RNF19A: variants seen among roughly 807,000 people sequenced by gnomAD.
The protein encoded by RNF19A is E3 ubiquitin-protein ligase RNF19A.
RNF19A carries 32 observed loss-of-function variants against 75.7 expected under a neutral mutation model. The ratio of observed to expected loss-of-function variants is 0.42; its 90% CI spans 0.32 to 0.57. The LOEUF (loss-of-function observed/expected upper bound fraction) is 0.57. RNF19A is among the 20% of genes least tolerant of loss of function. The probability of loss-of-function intolerance (pLI) is 0.10; values close to 1 mark genes in which losing one functional copy is unlikely to be tolerated. For synonymous variants in RNF19A, 335 were observed against 345.2 expected (o/e 0.97, Z 0.33); for missense variants, 782 against 1,036.3 (o/e 0.75, Z 3.37).
In RNF19A at chr8:100,309,649, C is replaced by T. The variant is rs920128893; in HGVS notation, c.-94+218G>A. 7.6e-6 allele frequency: 7 copies of T among 924,774 alleles called. No homozygotes were observed. The East Asian group carries it at 8.2e-4, about 108-fold the overall frequency. The allele number at this position is 924,774 out of a possible 1,614,324, so 57.3% of individuals were successfully genotyped here. ...CCCGCGCCTGGGCCGGGTAGGGGACCCGGAGCTGACCGAGGCCTGACCCCC... is the reference window on the plus strand; with the variant it reads ...CCCGCGCCTGGGCCGGGTAGGGGACTCGGAGCTGACCGAGGCCTGACCCCC... On this transcript the variant is annotated intron_variant, in intron 1 of 9. Transcript: ENST00000341084.
chr8:100,257,313 CA>C lies in RNF19A; in HGVS notation c.*1242del, dbSNP rs1242812969. 1 of 152,436 alleles carries C rather than the reference CA, an allele frequency of 6.6e-6. No homozygotes were observed. Among genetic ancestry groups the C allele is most frequent in the Non-Finnish European group, 1.5e-5 (1 of 67,990 alleles). The allele number at this position is 152,436 out of a possible 1,614,324, so 9.4% of individuals were successfully genotyped here. A position where few individuals can be genotyped will look rare whatever the true frequency, so the allele number is the denominator to read the frequency against. On this transcript the variant is annotated 3_prime_UTR_variant, in exon 10 of 10. Coordinates refer to ENST00000341084, the MANE Select transcript of RNF19A (RefSeq NM_183419.4). ...ATAATGGTAATACTTAAAAGAAATA[CA>C]TAAGATAGAACATTTTAACTGCTAT...
rs1436559065 is a variant in RNF19A, at chr8:100,275,316, G to A, written c.675-155C>T. On this transcript the variant is annotated intron_variant, in intron 2 of 9. Transcript: ENST00000341084. This position sits in a 1 kb window ranked among gnomAD's most constrained non-coding sequence, Gnocchi z 4.3. ...CAATCTCACCAATATAAAAATGGGGGAAAATGAAGTTTACAAATGAAGATA... is the reference window on the plus strand; with the variant it reads ...CAATCTCACCAATATAAAAATGGGGAAAAATGAAGTTTACAAATGAAGATA... Among the ~76,000 whole-genome samples, 3 of 151,620 alleles carry A rather than the reference G, an allele frequency of 2.0e-5. No individual in the cohort carries two copies. The highest frequency in any genetic ancestry group is 6.6e-5 in the Admixed American group (1 of 15,236).
upstream of RNF19A, chr8:100,313,219 C>T (rs1822326819): frequency 1.8e-6 from 1 of 545,594 alleles, no homozygotes; most frequent in South Asian, 8.0e-5. Flanking sequence ...GCCTACATAT[C>T]CGTTTGCATG....
chr8:100,288,033 C>G lies in RNF19A; in HGVS notation c.142G>C (p.Ala48Pro), dbSNP rs1821109481. 1 of 1,614,172 alleles carries G rather than the reference C, an allele frequency of 6.2e-7. No homozygotes were observed. The highest frequency in any genetic ancestry group is 8.5e-7 in the Non-Finnish European group (1 of 1,180,032). The part of the protein sequence containing the change: ...MGSDRDLQSS[A>P]SSVSLPSVKK... ...ACTGAAGGCAAGCTCACAGATGAAG[C>G]AGAGGACTGAAGATCTCGATCTGAA... The change falls in exon 2 of 10, where the codon GCT becomes CCT. Residue 48 changes from alanine to proline, a missense_variant. Ala to Pro is a conservative substitution (Grantham distance 27). Around this residue, in one of 7 missense-constraint regions of RNF19A, gnomAD observed 148 missense variants for 147.9 expected, o/e 1.00. Coordinates refer to ENST00000341084, the MANE Select transcript of RNF19A (RefSeq NM_183419.4).
chr8:100,270,042 G>T lies in RNF19A; in HGVS notation c.884-29C>A, dbSNP rs1316347641. On this transcript the variant is annotated intron_variant, in intron 3 of 9. Coordinates refer to ENST00000341084, the MANE Select transcript of RNF19A (RefSeq NM_183419.4). ...TTGGGAACACAGAGAAATCTATTAAGTACATAAAACTGGTCTAAAAATAAC... is the reference window on the plus strand; with the variant it reads ...TTGGGAACACAGAGAAATCTATTAATTACATAAAACTGGTCTAAAAATAAC... 4.6e-6 allele frequency: 7 copies of T among 1,517,768 alleles called. No individual in the cohort carries two copies. In the Admixed American group the frequency reaches 1.5e-4, roughly 33 times the overall value. 94.0% of individuals were successfully genotyped at this position (1,517,768 alleles called of 1,614,324 possible).
intron 1 of RNF19A, among the ~76,000 whole-genome samples, chr8:100,328,224 C>T (rs1027453732): frequency 5.9e-5 from 9 of 152,256 alleles, no homozygotes; most frequent in East Asian, 3.9e-4. Context: ...CCTTAATCAT[C>T]GTAATTGGCA....
intron 1 of RNF19A, 101 bp from the exon 2 acceptor site, chr8:100,288,368 T>C: frequency 1.3e-6 from 1 of 762,008 alleles, no homozygotes; most frequent in Non-Finnish European, 1.8e-6. Flanking sequence ...TTCTTAACCA[T>C]TAGTAGTAGT....
Position 100,287,476 on chromosome 8 carries a change from G to A in RNF19A, c.674+25C>T. The A allele has an allele frequency of 6.5e-7, 1 of 1,540,360 alleles. No individual in the cohort carries two copies. The highest frequency in any genetic ancestry group is 8.7e-7 in the Non-Finnish European group (1 of 1,146,398). ...TCCACAGAGAAAAAAATTAACTCAA[G>A]AAAAATCAAACATTATCTTCTTACC... On this transcript the variant is annotated intron_variant, in intron 2 of 9. Coordinates refer to ENST00000341084, the MANE Select transcript of RNF19A (RefSeq NM_183419.4). The surrounding 1 kb of genome is among the most constrained non-coding windows in gnomAD (Gnocchi z 4.1).
Position 100,325,793 on chromosome 8 carries a change from A to G in RNF19A, c.-243+10315T>C, listed in dbSNP as rs1822526294. Among the ~76,000 whole-genome samples, 1 of 152,190 alleles carries G rather than the reference A, an allele frequency of 6.6e-6. No homozygotes were observed. The highest frequency in any genetic ancestry group is 2.4e-5 in the African/African-American group (1 of 41,448). On this transcript the variant is annotated intron_variant, in intron 1 of 3. Coordinates refer to the RNF19A transcript ENST00000519527. This position sits in a 1 kb window ranked among gnomAD's most constrained non-coding sequence, Gnocchi z 4.3. ...CACACACACACACACATTTATATCC[A>G]TAAAATCTAAGCTCATAATTTCAAT...
At chr8:100,319,321 C>A (rs1822430792) in intron 1 of RNF19A, among the ~76,000 whole-genome samples, 1 of 151,384 alleles carries the variant, frequency 6.6e-6, no homozygotes, top group Non-Finnish European at 1.5e-5. Flanking sequence ...TCTTTTTTAA[C>A]ACAAAAGCTT....
intron 3 of RNF19A, among the ~76,000 whole-genome samples, chr8:100,272,079 G>C (rs1473599716): frequency 6.6e-6 from 1 of 152,160 alleles, no homozygotes; most frequent in African/African-American, 2.4e-5. Flanking sequence ...TAATCTCTTA[G>C]GGTGGTAGCG....
intron 1 of RNF19A, among the ~76,000 whole-genome samples, chr8:100,301,697 T>C (rs1360111219): frequency 1.3e-5 from 2 of 152,208 alleles, no homozygotes; most frequent in Non-Finnish European, 2.9e-5. Flanking sequence ...AAATAAGCAT[T>C]ACTAAAAGTT....
intron 2 of RNF19A, among the ~76,000 whole-genome samples, chr8:100,277,208 T>C (rs963184056): frequency 2.0e-5 from 3 of 152,218 alleles, no homozygotes; most frequent in Non-Finnish European, 4.4e-5. Context: ...TAAGTAATAA[T>C]TGTAACTGAG....
Position 100,277,503 on chromosome 8 carries a change from G to A in RNF19A, c.675-2342C>T, listed in dbSNP as rs1003193771. 5.3e-5 allele frequency among the ~76,000 whole-genome samples: 8 copies of A among 152,186 alleles called. No homozygotes were observed. The East Asian group carries it at 1.5e-3, about 29-fold the overall frequency. On this transcript the variant is annotated intron_variant, in intron 2 of 9. Coordinates refer to ENST00000341084, the MANE Select transcript of RNF19A (RefSeq NM_183419.4). Reference sequence around the variant, plus strand: ...ATTTTTTTGCATTTTTAGTAGAGACGGGGTTTCACCGTGTTAGCCAGGATG... The same window carrying A: ...ATTTTTTTGCATTTTTAGTAGAGACAGGGTTTCACCGTGTTAGCCAGGATG...
chr8:100,282,443 C>A (rs1028895394), intron 2 of RNF19A, among the ~76,000 whole-genome samples: 5 of 152,046 alleles, frequency 3.3e-5, no homozygotes, highest in Admixed American at 6.6e-5. Context: ...TTAAAATATA[C>A]CTGGGTTAAT....
chr8:100,306,865 GA>G (rs1014612514), intron 1 of RNF19A, among the ~76,000 whole-genome samples: 5 of 151,978 alleles, frequency 3.3e-5, no homozygotes, highest in Admixed American at 3.3e-4. Context: ...CCTAGTTGGA[GA>G]AAAAAAATTC....
chr8:100,318,096 T>G (rs1409931665), intron 1 of RNF19A, among the ~76,000 whole-genome samples: 1 of 152,178 alleles, frequency 6.6e-6, no homozygotes, highest in Non-Finnish European at 1.5e-5. Context: ...TTAAGGGATT[T>G]ATAGGAGCCA....
Position 100,332,459 on chromosome 8 carries a change from A to T in RNF19A, c.-243+3649T>A, listed in dbSNP as rs778687554. 6.6e-6 allele frequency among the ~76,000 whole-genome samples: 1 copy of T among 152,232 alleles called. No homozygotes were observed. Among genetic ancestry groups the T allele is most frequent in the East Asian group, 1.9e-4 (1 of 5,206 alleles). On this transcript the variant is annotated intron_variant, in intron 1 of 3. Coordinates refer to the RNF19A transcript ENST00000519527. The surrounding 1 kb of genome is among the most constrained non-coding windows in gnomAD (Gnocchi z 4.8). ...TAAGTTTTCTGAGGCCTCCTTGGCC[A>T]TGCAGAACTGTGAGTCAATTAAATC...
intron 1 of RNF19A, among the ~76,000 whole-genome samples, chr8:100,326,455 T>C (rs1413077763): frequency 6.6e-6 from 1 of 152,150 alleles, no homozygotes; most frequent in Non-Finnish European, 1.5e-5. Flanking sequence ...AAATATGCTG[T>C]ATACTGTGCT....
Sources: gnomAD v4.1 joint callset for allele counts (sites outside exome capture counted in the v4.1 genomes callset) on GRCh38, gnomAD v4.1.1 for gene constraint, gnomAD v4.1.1 regional missense constraint, Gnocchi (gnomAD v3.1) non-coding constraint, MANE v1.5 for transcripts, NCBI Gene and HGNC (gene_info 2026-07-23, HGNC 2026-07-21) for gene names.